The following PIGS variants were observed in gnomAD, a reference collection of about 807,000 sequenced individuals.
PIGS encodes the protein GPI-anchor transamidase component PIGS.
Under a neutral mutation model 58.2 loss-of-function variants are expected in PIGS, and 37 were observed. The observed-to-expected ratio is 0.64, with a 90% CI of 0.49 to 0.84. PIGS has a LOEUF of 0.84. PIGS is among the 40% of genes least tolerant of loss of function. The pLI is 0.00. For missense variants in PIGS, 629 were observed against 710.8 expected (o/e 0.88, Z 1.31); for synonymous variants, 269 against 289.2 (o/e 0.93, Z 0.71).
chr17:28,553,811 G>T lies in PIGS; in HGVS notation c.*409C>A, dbSNP rs144984485. Reference sequence around the variant, plus strand: ...GCCTGGCCCCTTCATGACAGCAGGGGCTAGGGCTGTCCCACAGGGACTAGA... The same window carrying T: ...GCCTGGCCCCTTCATGACAGCAGGGTCTAGGGCTGTCCCACAGGGACTAGA... On this transcript the variant is annotated 3_prime_UTR_variant, in exon 12 of 12. Coordinates refer to ENST00000308360, the MANE Select transcript of PIGS (RefSeq NM_033198.4). 591 of 222,660 alleles carry T rather than the reference G, an allele frequency of 2.7e-3. 4 individuals carry two copies. Among genetic ancestry groups the T allele is most frequent in the African/African-American group, 0.013 (552 of 43,230 alleles). The allele number at this position is 222,660 out of a possible 1,614,324, so 13.8% of individuals were successfully genotyped here. A position where few individuals can be genotyped will look rare whatever the true frequency, so the allele number is the denominator to read the frequency against.
chr17:28,562,109 T>C (rs969371852), intron 5 of PIGS, among the ~76,000 whole-genome samples: 3 of 152,264 alleles, frequency 2.0e-5, no homozygotes, highest in African/African-American at 7.2e-5. Flanking sequence ...TACATAATTA[T>C]GGATGATTCT....
intron 3 of PIGS, among the ~76,000 whole-genome samples, chr17:28,569,919 A>T (rs2151514906): frequency 6.6e-6 from 1 of 152,338 alleles, no homozygotes; most frequent in Middle Eastern, 3.4e-3. Flanking sequence ...ATACTGTCTC[A>T]TGCTATTAAC....
chr17:28,556,000 T>A (rs1247038489), intron 10 of PIGS, 166 bp downstream of exon 10: 1 of 620,916 alleles, frequency 1.6e-6, no homozygotes, highest in Admixed American at 3.0e-5. Context: ...TGTCACCTAC[T>A]AGTCCTTCTT....
intron 7 of PIGS, among the ~76,000 whole-genome samples, chr17:28,559,753 A>G (rs944715023): frequency 7.9e-5 from 12 of 151,886 alleles, no homozygotes; most frequent in African/African-American, 2.9e-4. Context: ...TCTAAGCACA[A>G]TTGGTGAGTA....
intron 6 of PIGS, 66 bp downstream of exon 6, chr17:28,561,356 A>T: frequency 1.4e-6 from 2 of 1,468,646 alleles, no homozygotes. Flanking sequence ...GTTGGCATGC[A>T]GATTTCCCTC....
At chr17:28,555,686 G>A (rs899968701) in intron 10 of PIGS, 3 of 168,562 alleles carry the variant, frequency 1.8e-5, no homozygotes, top group Non-Finnish European at 3.9e-5. Flanking sequence ...AACTGGTTTT[G>A]CTGGCTGGGC....
At chr17:28,558,809 T>C (rs1338194000) in intron 7 of PIGS, among the ~76,000 whole-genome samples, 2 of 152,018 alleles carry the variant, frequency 1.3e-5, no homozygotes, top group Admixed American at 6.5e-5. Context: ...TTTTACCAGG[T>C]TTCCTAACAG....
intron 10 of PIGS, chr17:28,555,962 C>A (rs747756525): frequency 3.0e-5 from 16 of 538,300 alleles, no homozygotes; most frequent in Non-Finnish European, 4.3e-5. Flanking sequence ...GAGCAAGACT[C>A]CGTCTCAAAA....
At chr17:28,557,838 C>G (rs2070340292) in intron 8 of PIGS, among the ~76,000 whole-genome samples, 2 of 152,224 alleles carry the variant, frequency 1.3e-5, no homozygotes, top group Non-Finnish European at 2.9e-5. Context: ...ATTCTGCCCT[C>G]AAGTACTTTT....
At chr17:28,563,771 A>G in intron 4 of PIGS, 47 bp downstream of exon 4, 1 of 1,550,940 alleles carries the variant, frequency 6.4e-7, no homozygotes, top group Non-Finnish European at 8.9e-7. Flanking sequence ...GATCAGAAGG[A>G]AAAAGAGGGC....
rs1204200078 is a variant in PIGS at position 28,553,584 on chromosome 17, A to C, written c.*636T>G. 6.5e-6 allele frequency: 1 copy of C among 153,268 alleles called. No homozygotes were observed. The highest frequency in any genetic ancestry group is 1.5e-5 in the Non-Finnish European group (1 of 68,748). The allele number at this position is 153,268 out of a possible 1,614,324, so 9.5% of individuals were successfully genotyped here. A position where few individuals can be genotyped will look rare whatever the true frequency, so the allele number is the denominator to read the frequency against. ...CTCTCCAGACAATAAGTGCAAAAAC[A>C]AGGATTTGAATTCAGGACTGTTTGA... On this transcript the variant is annotated 3_prime_UTR_variant, in exon 12 of 12. Coordinates refer to ENST00000308360, the MANE Select transcript of PIGS (RefSeq NM_033198.4).
At position 28,570,939 on chromosome 17, in the gene PIGS, C is replaced by T. The variant is rs752219359; in HGVS notation, c.199G>A (p.Val67Ile). The change falls in exon 3 of 12, where the codon GTC becomes ATC. Residue 67 changes from valine (V) to isoleucine (I), a missense_variant. Coordinates refer to ENST00000308360, the MANE Select transcript of PIGS (RefSeq NM_033198.4). ...GGCACTGACTCCCGCGTAAACACGA[C>T]AGTGACAGGCACCATGAGGCGGAGC... Reference protein sequence around the residue: ...LQLRLMVPVTVVFTRESVPLD... With the variant: ...LQLRLMVPVTIVFTRESVPLD... The T allele has an allele frequency of 2.5e-6, 4 of 1,614,228 alleles. No homozygotes were observed. The highest frequency in any genetic ancestry group is 2.2e-5 in the East Asian group (1 of 44,888).
At chr17:28,570,292 C>A (rs75333365) in intron 3 of PIGS, among the ~76,000 whole-genome samples, 1 of 152,240 alleles carries the variant, frequency 6.6e-6, no homozygotes, top group East Asian at 1.9e-4. Context: ...ATGCGGATCA[C>A]CTGAAGTCAG....
intron 6 of PIGS, 179 bp from the exon 7 acceptor site, chr17:28,560,370 G>T: frequency 7.4e-6 from 5 of 677,210 alleles, no homozygotes; most frequent in Non-Finnish European, 1.2e-5. Flanking sequence ...GCTGCCGGGC[G>T]CTGTGGCTCA....
rs773311497 is a variant in PIGS at position 28,554,962 on chromosome 17, G to C, written c.1281C>G (p.Leu427=). ...CCAGGTTCTCCACTGACCGAGCCCAGAGCAGCCGGTCTAGCTCCCAGGTCA... is the reference window on the plus strand; with the variant it reads ...CCAGGTTCTCCACTGACCGAGCCCACAGCAGCCGGTCTAGCTCCCAGGTCA... The part of the protein sequence containing the change: ...GLMTWELDRL[L]WARSVENLAT... The change falls in exon 11 of 12, where the codon CTC becomes CTG. Residue 427 remains leucine, a synonymous_variant. Coordinates refer to ENST00000308360, the MANE Select transcript of PIGS (RefSeq NM_033198.4). 1 of 1,612,356 alleles carries C rather than the reference G, an allele frequency of 6.2e-7. No homozygotes were observed. The highest frequency in any genetic ancestry group is 1.1e-5 in the South Asian group (1 of 90,866).
At position 28,556,925 on chromosome 17, in the gene PIGS, C is replaced by T. The variant is rs144180556; in HGVS notation, c.982G>A (p.Val328Met). 2.2e-5 allele frequency: 35 copies of T among 1,613,938 alleles called. No homozygotes were observed. Among genetic ancestry groups the T allele is most frequent in the Middle Eastern group, 1.6e-4 (1 of 6,084 alleles). Residue 328 changes from valine (V) to methionine (M), a missense_variant, in exon 9 of 12, where the codon GTG (valine) becomes ATG (methionine). Transcript: ENST00000308360. Reference sequence around the variant, plus strand: ...AGCGGTGAGTGTGCAAGCTCAGGCACGTAGAGTAGAAAGTTGAGCACAGGG... The same window carrying T: ...AGCGGTGAGTGTGCAAGCTCAGGCATGTAGAGTAGAAAGTTGAGCACAGGG... ...LYPVLNFLLY[V>M]PELAHSPLYI...
chr17:28,562,155 A>G (rs931602582), intron 5 of PIGS, among the ~76,000 whole-genome samples: 2 of 152,250 alleles, frequency 1.3e-5, no homozygotes, highest in Admixed American at 6.5e-5. Context: ...GAATAAAATA[A>G]AAGTGGCAGA....
At chr17:28,560,321 G>A (rs2070355856) in intron 6 of PIGS, 130 bp from the exon 7 acceptor site, 11 of 1,184,106 alleles carry the variant, frequency 9.3e-6, no homozygotes, top group South Asian at 2.9e-5. Context: ...GAACCAAAAG[G>A]AGGACAAAAC....
chr17:28,562,634 A>G (rs921430343), intron 5 of PIGS, among the ~76,000 whole-genome samples: 1 of 151,984 alleles, frequency 6.6e-6, no homozygotes. Flanking sequence ...GGGTTTCACC[A>G]TGTTGACCAG....
Sources: gnomAD v4.1 joint callset for allele counts (sites outside exome capture counted in the v4.1 genomes callset) on GRCh38, gnomAD v4.1.1 for gene constraint, MANE v1.5 for transcripts, NCBI Gene and HGNC (gene_info 2026-07-23, HGNC 2026-07-21) for gene names.